Variants in KCNAB1 observed in about 807,000 individuals in gnomAD.
KCNAB1 encodes the protein potassium voltage-gated channel subfamily A regulatory beta subunit 1.
A neutral mutation model predicts 64.6 loss-of-function variants in KCNAB1; 35 were observed. The ratio of observed to expected loss-of-function variants is 0.54; its 90% CI spans 0.41 to 0.72. The LOEUF is 0.72. Ranked by LOEUF, KCNAB1 falls within the 30% of genes least tolerant of loss-of-function variation. The pLI is 0.00. For missense variants in KCNAB1, 401 were observed against 512.9 expected (o/e 0.78, Z 2.11); for synonymous variants, 177 against 183.8 (o/e 0.96, Z 0.30).
At chr3:156,181,111 A>C (rs1323462875) in intron 1 of KCNAB1, among the ~76,000 whole-genome samples, 1 of 152,158 alleles carries the variant, frequency 6.6e-6, no homozygotes, top group Non-Finnish European at 1.5e-5. Flanking sequence ...CTTAGATTAG[A>C]GCACACCCTA....
intron 1 of KCNAB1, among the ~76,000 whole-genome samples, chr3:156,372,768 C>T (rs1726401737): frequency 6.6e-6 from 1 of 152,194 alleles, no homozygotes; most frequent in Non-Finnish European, 1.5e-5. Context: ...TTTGGTATAG[C>T]CAGAATATAC....
At chr3:156,277,097 T>G (rs1719391455) in intron 1 of KCNAB1, among the ~76,000 whole-genome samples, 1 of 152,134 alleles carries the variant, frequency 6.6e-6, no homozygotes, top group African/African-American at 2.4e-5. Flanking sequence ...TGGGTTGATT[T>G]CAATATTGTT....
Position 156,217,201 on chromosome 3 carries a change from G to A in KCNAB1, c.275+96315G>A, listed in dbSNP as rs115298765. ...AGTACAATAATATTGTTCAGAGTCA[G>A]CAAAGATAATGTGCATCTGGTTCCA... On this transcript the variant is annotated intron_variant, in intron 1 of 13. Transcript: ENST00000490337. Among the ~76,000 whole-genome samples, 1,464 of 152,306 alleles carry A rather than the reference G, an allele frequency of 9.6e-3. 21 individuals are homozygous for A. The highest frequency in any genetic ancestry group is 0.034 in the African/African-American group (1,400 of 41,548).
At chr3:156,533,839 C>T (rs962061088) in intron 13 of KCNAB1, among the ~76,000 whole-genome samples, 1 of 151,996 alleles carries the variant, frequency 6.6e-6, no homozygotes, top group Non-Finnish European at 1.5e-5. Flanking sequence ...AGTCATAGTG[C>T]CTAGGGATGG....
intron 2 of KCNAB1, among the ~76,000 whole-genome samples, chr3:156,450,705 C>G (rs1255379766): frequency 6.6e-6 from 1 of 152,178 alleles, no homozygotes; most frequent in Non-Finnish European, 1.5e-5. Context: ...ATTTTATTCT[C>G]ATTCAAAAAC....
chr3:156,406,048 C>T (rs531955780), intron 1 of KCNAB1, among the ~76,000 whole-genome samples: 1 of 151,996 alleles, frequency 6.6e-6, no homozygotes, highest in East Asian at 1.9e-4. Context: ...AGTAGATACA[C>T]CATAAATGTT....
chr3:156,259,446 C>T (rs1030448719), intron 1 of KCNAB1, among the ~76,000 whole-genome samples: 2 of 152,154 alleles, frequency 1.3e-5, no homozygotes, highest in African/African-American at 2.4e-5. Context: ...TGTCTGCCAG[C>T]GGGCAGCAAA....
intron 1 of KCNAB1, among the ~76,000 whole-genome samples, chr3:156,294,593 A>G (rs1293708873): frequency 6.6e-6 from 1 of 152,366 alleles, no homozygotes; most frequent in Middle Eastern, 3.4e-3. Flanking sequence ...ATGTGTATAT[A>G]TGGACTATTT....
intron 7 of KCNAB1, 56 bp from the exon 8 acceptor site, chr3:156,474,678 C>A: frequency 6.2e-6 from 8 of 1,282,122 alleles, no homozygotes; most frequent in Non-Finnish European, 7.9e-6. Flanking sequence ...CAAACTTCAA[C>A]TCTGAATAGT....
At chr3:156,424,327 C>T (rs917856547) in intron 2 of KCNAB1, among the ~76,000 whole-genome samples, 1 of 152,134 alleles carries the variant, frequency 6.6e-6, no homozygotes, top group African/African-American at 2.4e-5. Context: ...TGAAAGCCAT[C>T]AATGTCTGAG....
At chr3:156,335,559 G>A (rs1723631552) in intron 1 of KCNAB1, among the ~76,000 whole-genome samples, 1 of 152,144 alleles carries the variant, frequency 6.6e-6, no homozygotes, top group Admixed American at 6.5e-5. Context: ...AAAATTATTT[G>A]TTAAACATAT....
chr3:156,535,116 A>G (rs1718966644), intron 13 of KCNAB1, among the ~76,000 whole-genome samples: 1 of 152,184 alleles, frequency 6.6e-6, no homozygotes, highest in South Asian at 2.1e-4. Flanking sequence ...GAAATTCCAG[A>G]GCTAGTGGGA....
At chr3:156,205,771 T>C (rs943096097) in intron 1 of KCNAB1, among the ~76,000 whole-genome samples, 5 of 152,188 alleles carry the variant, frequency 3.3e-5, no homozygotes, top group Non-Finnish European at 5.9e-5. Context: ...TTCTAAAATA[T>C]GGATCTGGCC....
Position 156,321,275 on chromosome 3 carries a change from T to C in KCNAB1, c.276-100341T>C, listed in dbSNP as rs115176539. On this transcript the variant is annotated intron_variant, in intron 1 of 13. Coordinates refer to ENST00000490337, the MANE Select transcript of KCNAB1 (RefSeq NM_172160.3). ...CAAGAATGGCTGCTGTTTGGAGAAG[T>C]ATAGGGAGTGAAAATGTGGCATGCA... Among the ~76,000 whole-genome samples the C allele has an allele frequency of 8.8e-3, 1,338 of 152,282 alleles. 17 individuals are homozygous for C. The highest frequency in any genetic ancestry group is 0.031 in the African/African-American group (1,277 of 41,540).
At chr3:156,346,764 G>T (rs1368274603) in intron 1 of KCNAB1, among the ~76,000 whole-genome samples, 2 of 152,114 alleles carry the variant, frequency 1.3e-5, no homozygotes, top group African/African-American at 2.4e-5. Context: ...AAGCATCTAG[G>T]AAAAATCCAG....
chr3:156,386,119 C>T (rs565681442), intron 1 of KCNAB1, among the ~76,000 whole-genome samples: 1 of 152,136 alleles, frequency 6.6e-6, no homozygotes, highest in Middle Eastern at 3.4e-3. Flanking sequence ...AAAAAGAGAC[C>T]GAGGCAAACT....
intron 1 of KCNAB1, among the ~76,000 whole-genome samples, chr3:156,377,122 G>T (rs1350385179): frequency 6.6e-6 from 1 of 152,134 alleles, no homozygotes; most frequent in Non-Finnish European, 1.5e-5. Flanking sequence ...GGACATTAGG[G>T]TTTGATATTA....
intron 1 of KCNAB1, among the ~76,000 whole-genome samples, chr3:156,368,741 A>G (rs1726114784): frequency 6.6e-6 from 1 of 152,206 alleles, no homozygotes; most frequent in African/African-American, 2.4e-5. Flanking sequence ...AATACTTCCC[A>G]AGTTGAAGTA....
intron 1 of KCNAB1, among the ~76,000 whole-genome samples, chr3:156,402,707 T>G (rs1026929297): frequency 1.3e-5 from 2 of 152,208 alleles, no homozygotes; most frequent in African/African-American, 4.8e-5. Context: ...TAAAATGCCA[T>G]GAAGGAAGGC....
Sources: allele counts gnomAD v4.1 joint callset (sites outside exome capture counted in the v4.1 genomes callset), GRCh38; gene constraint gnomAD v4.1.1; transcripts MANE v1.5; gene names NCBI Gene and HGNC (gene_info 2026-07-23, HGNC 2026-07-21).